SEC31B: variants seen among roughly 807,000 people sequenced by gnomAD.
SEC31B encodes protein transport protein Sec31B.
In SEC31B, 113 loss-of-function variants were observed where a neutral mutation model predicts 135.0. The ratio of observed to expected loss-of-function variants is 0.84; its 90% CI spans 0.72 to 0.98. The LOEUF (loss-of-function observed/expected upper bound fraction) is 0.98. SEC31B is among the 50% of genes least tolerant of loss of function. The pLI, the probability that SEC31B is intolerant of heterozygous loss-of-function variation, is 0.00. For missense variants in SEC31B, 1,296 were observed against 1,421.1 expected (o/e 0.91, Z 1.42); for synonymous variants, 508 against 549.4 (o/e 0.92, Z 1.05).
intron 17 of SEC31B, 25 bp downstream of exon 17, chr10:100,497,110 C>T (rs762490171): frequency 6.2e-7 from 1 of 1,613,424 alleles, no homozygotes; most frequent in Non-Finnish European, 8.5e-7. Context: ...TGTGGAGTGG[C>T]CAGTACCCTG....
At position 100,516,232 on chromosome 10, in the gene SEC31B, A is replaced by G; in HGVS notation, c.80-13T>C. 1.2e-6 allele frequency: 2 copies of G among 1,612,380 alleles called. No individual in the cohort carries two copies. Among genetic ancestry groups the G allele is most frequent in the Non-Finnish European group, 1.7e-6 (2 of 1,179,526 alleles). ...TGGGCAGATGTTCCTAGGCACAAGA[A>G]AAGGCAGCATATGAGCAACAATATA... On this transcript the variant is annotated splice_polypyrimidine_tract_variant and intron_variant, in intron 2 of 25. Coordinates refer to ENST00000370345, the MANE Select transcript of SEC31B (RefSeq NM_015490.4).
rs141219301 is a variant in SEC31B at position 100,489,672 on chromosome 10, C to T, written c.3024+31G>A. ...TAGAACGTGGTCATTGGTGAATGTG[C>T]GAGGGAGTGGGTAGGGAAAGATGCA... On this transcript the variant is annotated intron_variant, in intron 22 of 25. Transcript: ENST00000370345. 2.0e-4 allele frequency: 321 copies of T among 1,613,876 alleles called. 1 individual carries two copies. In the African/African-American group the frequency reaches 3.7e-3, roughly 18 times the overall value.
At chr10:100,507,335 A>T in intron 7 of SEC31B, 90 bp downstream of exon 7, 4 of 1,504,984 alleles carry the variant, frequency 2.7e-6, no homozygotes, top group African/African-American at 1.4e-5. Flanking sequence ...GAGGATGTTT[A>T]GTAGCTAAAG....
chr10:100,490,995 A>G, intron 19 of SEC31B, 112 bp from the exon 20 acceptor site: 1 of 654,974 alleles, frequency 1.5e-6, no homozygotes, highest in Non-Finnish European at 2.2e-6. Context: ...CTTTGAGGAA[A>G]AAAATCAATA....
chr10:100,501,238 T>C (rs2133684631), intron 11 of SEC31B, among the ~76,000 whole-genome samples: 1 of 152,030 alleles, frequency 6.6e-6, no homozygotes, highest in African/African-American at 2.4e-5. Context: ...AGAGTGAAAC[T>C]CTGTCTCAAA....
Position 100,488,042 on chromosome 10 carries a change from C to G in SEC31B, c.3345G>C (p.Lys1115Asn). 6.2e-7 allele frequency: 1 copy of G among 1,614,126 alleles called. No individual in the cohort carries two copies. Among genetic ancestry groups the G allele is most frequent in the Non-Finnish European group, 8.5e-7 (1 of 1,179,990 alleles). The change falls in exon 25 of 26, where the codon AAG becomes AAC. Residue 1115 changes from lysine (K) to asparagine (N), a missense_variant. Coordinates refer to ENST00000370345, the MANE Select transcript of SEC31B (RefSeq NM_015490.4). ...CTGTACTTACTGTCCCCTCACAGAG[C>G]TTCTCATATAGATACTCCAGACGCT... Reference protein sequence around the residue: ...AAQRLEYLYEKLCEGTLSPHV... With the variant: ...AAQRLEYLYENLCEGTLSPHV...
In SEC31B at chr10:100,502,612, C is replaced by T. The variant is rs1160391624; in HGVS notation, c.1180-128G>A. ...AGGAAATAAATAAAATAAGAGAGTTCCTGGGGGGTGGAATAGGATCAGGAA... is the reference window on the plus strand; with the variant it reads ...AGGAAATAAATAAAATAAGAGAGTTTCTGGGGGGTGGAATAGGATCAGGAA... On this transcript the variant is annotated intron_variant, in intron 10 of 25. Transcript: ENST00000370345. 7 of 641,100 alleles carry T rather than the reference C, an allele frequency of 1.1e-5. No homozygotes were observed. In the Admixed American group the frequency reaches 2.1e-4, roughly 19 times the overall value. 39.7% of individuals were successfully genotyped at this position (641,100 alleles called of 1,614,324 possible).
chr10:100,496,522 G>A, intron 17 of SEC31B, 91 bp from the exon 18 acceptor site: 2 of 1,364,158 alleles, frequency 1.5e-6, no homozygotes, highest in Non-Finnish European at 2.0e-6. Context: ...CTCCCACTAT[G>A]GGTACAGATG....
At chr10:100,501,224 G>A (rs536244211) in intron 11 of SEC31B, among the ~76,000 whole-genome samples, 175 of 152,098 alleles carry the variant, frequency 1.2e-3, no homozygotes, top group Middle Eastern at 3.4e-3. Context: ...CAGCCTGAGC[G>A]ACAAGAGTGA....
intron 24 of SEC31B, among the ~76,000 whole-genome samples, chr10:100,488,384 G>A (rs925670969): frequency 8.6e-5 from 13 of 150,884 alleles, no homozygotes; most frequent in East Asian, 1.9e-4. Flanking sequence ...GCTTGAACCC[G>A]GGAGGCAGAG....
rs1356627666 is a variant in SEC31B at position 100,497,189 on chromosome 10, C to T, written c.2082G>A (p.Arg694=). The stretch of plus-strand genomic sequence containing the variant: ...GGCATTTTGCCCAGCACTCCACCAG[C>T]CGCTCCACACTCCCTGAGCACACAT... The part of the protein sequence containing the change: ...LCYVCSGSVE[R]LVECWAKCHQ... The change falls in exon 17 of 26, where the codon CGG becomes CGA. Residue 694 remains arginine (R), a synonymous_variant. Coordinates refer to ENST00000370345, the MANE Select transcript of SEC31B (RefSeq NM_015490.4). 1.9e-6 allele frequency: 3 copies of T among 1,613,986 alleles called. No homozygotes were observed. Among genetic ancestry groups the T allele is most frequent in the African/African-American group, 2.7e-5 (2 of 74,874 alleles).
intron 4 of SEC31B, 26 bp downstream of exon 4, chr10:100,509,290 A>G: frequency 6.2e-7 from 1 of 1,606,618 alleles, no homozygotes; most frequent in Non-Finnish European, 8.5e-7. Context: ...TGGCTTGGCC[A>G]TGTTTGACTA....
Position 100,489,508 on chromosome 10 carries a change from G to A in SEC31B, c.3025-110C>T, listed in dbSNP as rs548332373. On this transcript the variant is annotated intron_variant, in intron 22 of 25. Transcript: ENST00000370345. ...CAAGGAGACAGAAGAGTGAGTGTGG[G>A]AAACTGGGAAGTGAGGAGACTGGTG... 499 of 1,423,428 alleles carry A rather than the reference G, an allele frequency of 3.5e-4. 9 individuals carry two copies. The South Asian group carries it at 5.7e-3, about 16-fold the overall frequency. 88.2% of individuals were successfully genotyped at this position (1,423,428 alleles called of 1,614,324 possible). A position where few individuals can be genotyped will look rare whatever the true frequency, so the allele number is the denominator to read the frequency against.
chr10:100,504,984 G>A (rs572512174), intron 10 of SEC31B, among the ~76,000 whole-genome samples: 5 of 152,108 alleles, frequency 3.3e-5, no homozygotes, highest in African/African-American at 9.6e-5. Context: ...AGGCTCAAAC[G>A]TTTTGAACAG....
At chr10:100,500,253 A>C (rs1851494821) in intron 11 of SEC31B, 2 of 454,978 alleles carry the variant, frequency 4.4e-6, no homozygotes, top group Non-Finnish European at 8.8e-6. Context: ...TCCCTATCCC[A>C]TATCCTTCCG....
At chr10:100,509,256 C>T in intron 4 of SEC31B, 60 bp downstream of exon 4, 3 of 1,552,346 alleles carry the variant, frequency 1.9e-6, no homozygotes, top group Non-Finnish European at 2.7e-6. Context: ...CAAATGAATG[C>T]TTCCACTCAG....
At position 100,496,392 on chromosome 10, in the gene SEC31B, C is replaced by A; in HGVS notation, c.2176G>T (p.Glu726Ter). The change falls in exon 18 of 26, where the codon GAG (glutamate) becomes TAG (stop). Residue 726 changes from glutamate to a stop codon, truncating the protein, a stop_gained. Transcript: ENST00000370345. LOFTEE classifies it high-confidence loss of function. ...ACCCCATGAGGACCCCGCAGTTGCT[C>A]CAAGCTCCTGTTAAGAACCATCACC... ...EKVMVLNRSL[E>*]QLRGPHGVSP... The A allele has an allele frequency of 6.2e-7, 1 of 1,614,156 alleles. No homozygotes were observed. Among genetic ancestry groups the A allele is most frequent in the South Asian group, 1.1e-5 (1 of 91,072 alleles).
At position 100,488,081 on chromosome 10, in the gene SEC31B, C is replaced by T. The variant is rs771360807; in HGVS notation, c.3306G>A (p.Leu1102=). 5 of 1,613,984 alleles carry T rather than the reference C, an allele frequency of 3.1e-6. No homozygotes were observed. The African/African-American group carries it at 6.7e-5, about 22-fold the overall frequency. ...ACTCCAGACGCTGGGCTGCCTCTTC[C>T]AGCTTCCTTTTTGTCTTCTGCAGGG... The part of the protein sequence containing the change: ...SATDLKTKRK[L]EEAAQRLEYL... The change falls in exon 25 of 26, where the codon CTG becomes CTA. Residue 1102 remains leucine, a synonymous_variant. Coordinates refer to ENST00000370345, the MANE Select transcript of SEC31B (RefSeq NM_015490.4).
At chr10:100,489,858 C>T (rs575537577) in intron 21 of SEC31B, 97 bp from the exon 22 acceptor site, 142 of 1,585,018 alleles carry the variant, frequency 9.0e-5, no homozygotes, top group Non-Finnish European at 1.1e-4. Context: ...TTGGAGTTCA[C>T]CATACCTCCC....
Sources: gnomAD v4.1 joint callset for allele counts (sites outside exome capture counted in the v4.1 genomes callset) on GRCh38, gnomAD v4.1.1 for gene constraint, MANE v1.5 for transcripts, NCBI Gene and HGNC (gene_info 2026-07-23, HGNC 2026-07-21) for gene names.